Variants in PCOLCE2 observed in about 807,000 individuals in gnomAD.
PCOLCE2 encodes procollagen C-proteinase enhancer 2.
A neutral mutation model predicts 47.0 loss-of-function variants in PCOLCE2; 42 were observed. That is an observed-to-expected ratio of 0.89 (90% confidence interval 0.70 to 1.16). The LOEUF is 1.16. Among genes scored for constraint, PCOLCE2 ranks in the 50% most tolerant of loss-of-function variants. The pLI is 0.00. For missense variants in PCOLCE2, 500 were observed against 526.1 expected (o/e 0.95, Z 0.49); for synonymous variants, 169 against 191.7 (o/e 0.88, Z 0.98).
At chr3:142,834,607 T>C (rs1433365458) in intron 5 of PCOLCE2, among the ~76,000 whole-genome samples, 1 of 152,206 alleles carries the variant, frequency 6.6e-6, no homozygotes, top group Non-Finnish European at 1.5e-5. Flanking sequence ...AGTCCACAAG[T>C]CACACTTTAA....
At chr3:142,827,867 C>T (rs575693592) in intron 6 of PCOLCE2, 24 of 510,436 alleles carry the variant, frequency 4.7e-5, no homozygotes, top group Middle Eastern at 5.4e-4. Flanking sequence ...AATCCACCTC[C>T]GAATCCAGTT....
At chr3:142,840,010 G>A (rs1937249105) in intron 4 of PCOLCE2, among the ~76,000 whole-genome samples, 1 of 152,136 alleles carries the variant, frequency 6.6e-6, no homozygotes, top group Admixed American at 6.5e-5. Context: ...TGAGCTGAGT[G>A]GATAGAGTTG....
At chr3:142,822,425 C>T (rs1937026171) in intron 7 of PCOLCE2, among the ~76,000 whole-genome samples, 1 of 152,072 alleles carries the variant, frequency 6.6e-6, no homozygotes, top group Non-Finnish European at 1.5e-5. Context: ...AAGTTTTGGA[C>T]TTGGTTAATC....
chr3:142,838,901 T>C lies in PCOLCE2; in HGVS notation c.579A>G (p.Ile193Met), dbSNP rs1479477094. Residue 193 changes from isoleucine (I) to methionine (M), a missense_variant, in exon 5 of 9, where the codon ATA becomes ATG. Coordinates refer to ENST00000295992, the MANE Select transcript of PCOLCE2 (RefSeq NM_013363.4). Reference sequence around the variant, plus strand: ...CATCAAACTTCTCAAACTTTAATTCTATAAGCTTTAGAGAAAGCACAATAG... The same window carrying C: ...CATCAAACTTCTCAAACTTTAATTCCATAAGCTTTAGAGAAAGCACAATAG... ...WHIVAPKNQL[I>M]ELKFEKFDVE... is the part of the protein sequence containing the mutation. 3 of 1,610,520 alleles carry C rather than the reference T, an allele frequency of 1.9e-6. No homozygotes were observed. The highest frequency in any genetic ancestry group is 8.5e-7 in the Non-Finnish European group (1 of 1,176,746).
intron 2 of PCOLCE2, among the ~76,000 whole-genome samples, chr3:142,879,872 G>A: frequency 6.6e-6 from 1 of 151,000 alleles, no homozygotes; most frequent in Non-Finnish European, 1.5e-5. Context: ...TGGGGAGGCT[G>A]AGGCAAGAGA....
At chr3:142,827,716 G>A (rs759996113) in intron 6 of PCOLCE2, 11 of 917,094 alleles carry the variant, frequency 1.2e-5, no homozygotes, top group Non-Finnish European at 1.9e-5. Flanking sequence ...TGTGACCCGA[G>A]TTGTGGATGA....
rs1937280098 is a variant in PCOLCE2 at position 142,842,924 on chromosome 3, C to A, written c.573G>T (p.Gln191His). Reference sequence around the variant, plus strand: ...TCTTCACACTTCCAGGGAATCTCACCTGATTCTTTGGGGCTACAATGTGCC... The same window carrying A: ...TCTTCACACTTCCAGGGAATCTCACATGATTCTTTGGGGCTACAATGTGCC... ...CVWHIVAPKN[Q>H]LIELKFEKFD... The change falls in exon 4 of 9, where the codon CAG becomes CAT. Residue 191 changes from glutamine to histidine, a missense_variant and splice_region_variant. Coordinates refer to ENST00000295992, the MANE Select transcript of PCOLCE2 (RefSeq NM_013363.4). The surrounding 1 kb of genome is among the most constrained non-coding windows in gnomAD (Gnocchi z 4.1). The A allele has an allele frequency of 6.2e-7, 1 of 1,613,878 alleles. No homozygotes were observed. The highest frequency in any genetic ancestry group is 8.5e-7 in the Non-Finnish European group (1 of 1,179,960).
Position 142,887,685 on chromosome 3 carries a change from C to T in PCOLCE2, c.176G>A (p.Cys59Tyr). 1.9e-6 allele frequency: 3 copies of T among 1,573,194 alleles called. No homozygotes were observed. The highest frequency in any genetic ancestry group is 2.6e-6 in the Non-Finnish European group (3 of 1,143,002). Reference sequence around the variant, plus strand: ...AATGCTTACTGTGATTTTCCAAGTACATTTGCTATTTGGAGGGTACACTCC... The same window carrying T: ...AATGCTTACTGTGATTTTCCAAGTATATTTGCTATTTGGAGGGTACACTCC... The part of the protein sequence containing the change: ...FPGVYPPNSK[C>Y]TWKITVPEGK... The change falls in exon 2 of 9, where the codon TGT becomes TAT. Residue 59 changes from cysteine to tyrosine, a missense_variant. Physicochemically the swap from Cys to Tyr is radical, Grantham distance 194 (BLOSUM62 -2). Transcript: ENST00000295992.
At chr3:142,818,998 T>C (rs1936983743) in intron 8 of PCOLCE2, among the ~76,000 whole-genome samples, 1 of 152,202 alleles carries the variant, frequency 6.6e-6, no homozygotes, top group Admixed American at 6.5e-5. Flanking sequence ...CTCAGTCCCA[T>C]CATGTGTCTG....
Position 142,820,975 on chromosome 3 carries a change from G to A in PCOLCE2, c.1020C>T (p.Asn340=). ...TCGCCAAATTTCCCTCTTTGTAGATGTTGATGATCGAGACTGTGGCGTGCA... is the reference window on the plus strand; with the variant it reads ...TCGCCAAATTTCCCTCTTTGTAGATATTGATGATCGAGACTGTGGCGTGCA... ...GSLHATVSII[N]IYKEGNLAIQ... The change falls in exon 8 of 9, where the codon AAC becomes AAT. Residue 340 remains asparagine, a synonymous_variant. Coordinates refer to ENST00000295992, the MANE Select transcript of PCOLCE2 (RefSeq NM_013363.4). 6.2e-7 allele frequency: 1 copy of A among 1,613,988 alleles called. No homozygotes were observed. The highest frequency in any genetic ancestry group is 8.5e-7 in the Non-Finnish European group (1 of 1,179,900).
intron 2 of PCOLCE2, among the ~76,000 whole-genome samples, chr3:142,856,642 A>G (rs1256123919): frequency 1.3e-5 from 2 of 152,384 alleles, no homozygotes; most frequent in Admixed American, 6.5e-5. Context: ...TAGATGCAGC[A>G]GGATGAGGAG....
intron 5 of PCOLCE2, among the ~76,000 whole-genome samples, chr3:142,832,499 T>C (rs1200413809): frequency 1.3e-5 from 2 of 152,168 alleles, no homozygotes; most frequent in African/African-American, 2.4e-5. Context: ...TTGTCCTCCC[T>C]GCTGTCTCTA....
At chr3:142,853,341 C>T (rs1395190120) in intron 2 of PCOLCE2, among the ~76,000 whole-genome samples, 4 of 152,116 alleles carry the variant, frequency 2.6e-5, no homozygotes, top group Admixed American at 1.3e-4. Flanking sequence ...CCCCCAAACC[C>T]GAAGGTGGGC....
In PCOLCE2 at chr3:142,848,451, C is replaced by T. The variant is rs748909749; in HGVS notation, c.214G>A (p.Val72Ile). 25 of 1,599,776 alleles carry T rather than the reference C, an allele frequency of 1.6e-5. No individual in the cohort carries two copies. The Admixed American group carries it at 1.9e-4, about 12-fold the overall frequency. ...KITVPEGKVV[V>I]LNFRFIDLES... The stretch of plus-strand genomic sequence containing the variant: ...AGGTCTATGAATCGGAAATTGAGAA[C>T]GACTACTTTTCCTTCGGGAACCTGC... Residue 72 changes from valine (V) to isoleucine (I), a missense_variant, in exon 3 of 9, where the codon GTT (valine) becomes ATT (isoleucine). Transcript: ENST00000295992.
chr3:142,842,800 C>A lies in PCOLCE2; in HGVS notation c.573+124G>T. 1 of 902,354 alleles carries A rather than the reference C, an allele frequency of 1.1e-6. No individual in the cohort carries two copies. The highest frequency in any genetic ancestry group is 1.7e-6 in the Non-Finnish European group (1 of 579,538). The allele number at this position is 902,354 out of a possible 1,614,324, so 55.9% of individuals were successfully genotyped here. ...AGAAATACCTGTGTCCAGGAACCTT[C>A]CTCTTCTTGTATCCCTTAGCTCTCG... On this transcript the variant is annotated intron_variant, in intron 4 of 8. Coordinates refer to ENST00000295992, the MANE Select transcript of PCOLCE2 (RefSeq NM_013363.4). This position sits in a 1 kb window ranked among gnomAD's most constrained non-coding sequence, Gnocchi z 4.1.
In PCOLCE2 at chr3:142,862,582, A is replaced by G. The variant is rs1383231959; in HGVS notation, c.193-14110T>C. On this transcript the variant is annotated intron_variant, in intron 2 of 8. Coordinates refer to ENST00000295992, the MANE Select transcript of PCOLCE2 (RefSeq NM_013363.4). ...AATGCTTAATTCATCAGGTTTCACG[A>G]GAAGCCACTGAGGTGATCTTTATTA... Among the ~76,000 whole-genome samples, 5 of 152,224 alleles carry G rather than the reference A, an allele frequency of 3.3e-5. No individual in the cohort carries two copies. The East Asian group carries it at 9.6e-4, about 29-fold the overall frequency.
chr3:142,819,165 G>A (rs58015805), intron 8 of PCOLCE2, among the ~76,000 whole-genome samples: 4,764 of 152,228 alleles, frequency 0.031, 253 homozygotes, highest in African/African-American at 0.11. Context: ...GCAAAACATC[G>A]GTGTCAAGAG....
intron 2 of PCOLCE2, among the ~76,000 whole-genome samples, chr3:142,849,116 G>A (rs1331027067): frequency 2.0e-5 from 3 of 151,182 alleles, no homozygotes; most frequent in Non-Finnish European, 2.9e-5. Flanking sequence ...TCGCGCCACT[G>A]CACTCCAGCC....
intron 2 of PCOLCE2, among the ~76,000 whole-genome samples, chr3:142,852,759 T>G (rs1262691693): frequency 6.7e-6 from 1 of 148,322 alleles, no homozygotes; most frequent in African/African-American, 2.5e-5. Flanking sequence ...TATTTTAATA[T>G]ATATTATATA....
Sources: allele counts gnomAD v4.1 joint callset (sites outside exome capture counted in the v4.1 genomes callset), GRCh38; gene constraint gnomAD v4.1.1; non-coding constraint Gnocchi (gnomAD v3.1); transcripts MANE v1.5; gene names NCBI Gene and HGNC (gene_info 2026-07-23, HGNC 2026-07-21).